The following TANC2 variants were observed in gnomAD, a reference collection of about 807,000 sequenced individuals.
TANC2 encodes tetratricopeptide repeat, ankyrin repeat and coiled-coil containing 2, also known as protein TANC2.
A neutral mutation model predicts 210.5 loss-of-function variants in TANC2; 26 were observed. That is an observed-to-expected ratio of 0.12 (90% CI 0.09 to 0.17). The LOEUF is 0.17. TANC2 is among the 10% of genes least tolerant of loss of function. The pLI is 1.00. For synonymous variants in TANC2, 931 were observed against 967.1 expected (o/e 0.96, Z 0.69); for missense variants, 2,129 against 2,608.9 (o/e 0.82, Z 4.01).
At chr17:63,049,888 T>G (rs2144367508) in intron 2 of TANC2, among the ~76,000 whole-genome samples, 1 of 152,164 alleles carries the variant, frequency 6.6e-6, no homozygotes, top group East Asian at 1.9e-4. Context: ...TGTTGGATTG[T>G]ATGTGCAGTG....
At chr17:63,049,084 A>G (rs988869044) in intron 2 of TANC2, among the ~76,000 whole-genome samples, 4 of 152,214 alleles carry the variant, frequency 2.6e-5, no homozygotes, top group Non-Finnish European at 5.9e-5. Flanking sequence ...CCAAATTCCC[A>G]AAGAATTCTG....
chr17:63,279,493 GC>G (rs142742240), intron 9 of TANC2, among the ~76,000 whole-genome samples: 21,771 of 151,914 alleles, frequency 0.14, 2,013 homozygotes, highest in Middle Eastern at 0.21. Flanking sequence ...GATCTTAGGG[GC>G]TATAAATTAG....
At chr17:63,220,429 C>T (rs757424318) in intron 7 of TANC2, among the ~76,000 whole-genome samples, 35 of 151,516 alleles carry the variant, frequency 2.3e-4, no homozygotes, top group Non-Finnish European at 4.4e-4. Context: ...AGGCTGGGCA[C>T]GGTGGCTCAT....
At chr17:63,262,949 C>G (rs1334932018) in intron 8 of TANC2, among the ~76,000 whole-genome samples, 1 of 152,154 alleles carries the variant, frequency 6.6e-6, no homozygotes, top group African/African-American at 2.4e-5. Context: ...CTCTTTTACT[C>G]TCTCTGATGT....
intron 21 of TANC2, 141 bp downstream of exon 21, chr17:63,406,418 C>T: frequency 8.7e-7 from 1 of 1,154,614 alleles, no homozygotes; most frequent in East Asian, 2.4e-5. Context: ...ATCTCCTCCC[C>T]TCTTGTATTC....
At chr17:62,971,995 T>G (rs1289937877) in intron 1 of TANC2, among the ~76,000 whole-genome samples, 1 of 152,218 alleles carries the variant, frequency 6.6e-6, no homozygotes, top group East Asian at 1.9e-4. Flanking sequence ...CTTTGCGTAT[T>G]TAAGATTCAA....
intron 8 of TANC2, among the ~76,000 whole-genome samples, chr17:63,262,266 A>G (rs912139875): frequency 6.6e-6 from 1 of 152,144 alleles, no homozygotes; most frequent in African/African-American, 2.4e-5. Context: ...TGCAGCCTCA[A>G]ACTCCTGGGC....
intron 5 of TANC2, among the ~76,000 whole-genome samples, chr17:63,168,852 C>T (rs529877427): frequency 5.3e-5 from 8 of 152,316 alleles, no homozygotes; most frequent in Admixed American, 3.3e-4. Flanking sequence ...AAAGGATTTG[C>T]AGACTTCTCA....
At chr17:63,104,412 A>G (rs2037744785) in intron 4 of TANC2, among the ~76,000 whole-genome samples, 1 of 152,200 alleles carries the variant, frequency 6.6e-6, no homozygotes, top group Non-Finnish European at 1.5e-5. Flanking sequence ...TAAATTTTGC[A>G]TATACATACT....
At chr17:63,009,723 A>C (rs2033781654) in intron 2 of TANC2, 97 bp downstream of exon 2, 15 of 1,004,526 alleles carry the variant, frequency 1.5e-5, no homozygotes, top group Non-Finnish European at 2.1e-5. Flanking sequence ...TTAATGCTTA[A>C]CTTAGAACTT....
At chr17:63,098,852 G>A (rs2037513727) in intron 3 of TANC2, among the ~76,000 whole-genome samples, 1 of 141,716 alleles carries the variant, frequency 7.1e-6, no homozygotes, top group Non-Finnish European at 1.5e-5. Context: ...TTTAATGTGT[G>A]TCTTATCAGA....
At chr17:63,194,228 G>A (rs2041272477) in intron 6 of TANC2, 89 bp downstream of exon 6, 1 of 1,296,998 alleles carries the variant, frequency 7.7e-7, no homozygotes, top group Admixed American at 2.5e-5. Flanking sequence ...GCCTTTTGAG[G>A]CCTAGAATAC....
chr17:63,335,851 A>C (rs1291295795), intron 11 of TANC2, among the ~76,000 whole-genome samples: 1 of 152,160 alleles, frequency 6.6e-6, no homozygotes, highest in African/African-American at 2.4e-5. Flanking sequence ...TGTTAATAAT[A>C]AGGGAAGCTG....
At chr17:63,010,047 A>ACG (rs1462616338) in intron 2 of TANC2, among the ~76,000 whole-genome samples, 1 of 152,182 alleles carries the variant, frequency 6.6e-6, no homozygotes, top group Non-Finnish European at 1.5e-5. Flanking sequence ...AGCCATTAAA[A>ACG]TAAAGTTTAT....
intron 21 of TANC2, among the ~76,000 whole-genome samples, chr17:63,410,232 T>C (rs1026480498): frequency 6.6e-6 from 1 of 152,206 alleles, no homozygotes; most frequent in Admixed American, 6.5e-5. Context: ...TATAGTTAAC[T>C]ATAGAGTAGA....
At chr17:63,189,356 G>A (rs918046134) in intron 5 of TANC2, among the ~76,000 whole-genome samples, 8 of 152,134 alleles carry the variant, frequency 5.3e-5, no homozygotes, top group Non-Finnish European at 8.8e-5. Flanking sequence ...TTTTCAAAGT[G>A]TCTGCACAAT....
chr17:63,175,641 TGAGTCATAAA>T (rs2040554729), intron 5 of TANC2, among the ~76,000 whole-genome samples: 1 of 151,750 alleles, frequency 6.6e-6, no homozygotes, highest in Non-Finnish European at 1.5e-5. Context: ...ATGAGAAATG[TGAGTCATAAA>T]AGAAAAATGT....
chr17:63,077,455 C>T (rs924265031), intron 3 of TANC2, among the ~76,000 whole-genome samples: 18 of 151,990 alleles, frequency 1.2e-4, no homozygotes, highest in African/African-American at 4.3e-4. Context: ...TTCAGAATGA[C>T]AATAAAAAGA....
chr17:63,048,351 AG>A (rs1321704714), intron 2 of TANC2, among the ~76,000 whole-genome samples: 1 of 152,208 alleles, frequency 6.6e-6, no homozygotes. Flanking sequence ...AAAAACAAAA[AG>A]GGTTAGACAA....
Sources: allele counts gnomAD v4.1 joint callset (sites outside exome capture counted in the v4.1 genomes callset), GRCh38; gene constraint gnomAD v4.1.1; transcripts MANE v1.5; gene names NCBI Gene and HGNC (gene_info 2026-07-23, HGNC 2026-07-21).